ADIPOR1: variants seen among roughly 807,000 people sequenced by gnomAD.
ADIPOR1 encodes adiponectin receptor protein 1.
ADIPOR1 carries 15 observed loss-of-function variants against 37.5 expected under a neutral mutation model. That is an observed-to-expected ratio of 0.40 (90% CI 0.27 to 0.62). The LOEUF is 0.62. Among genes scored for constraint, ADIPOR1 ranks in the 20% least tolerant of loss-of-function variants. The pLI, the probability that ADIPOR1 is intolerant of heterozygous loss-of-function variation, is 0.42. For missense variants in ADIPOR1, 286 were observed against 478.0 expected (o/e 0.60, Z 3.75); for synonymous variants, 173 against 173.2 (o/e 1.00, Z 0.01).
In ADIPOR1 at chr1:202,946,554, C is replaced by T; in HGVS notation, c.315G>A (p.Lys105=). The T allele has an allele frequency of 6.2e-7, 1 of 1,614,020 alleles. No homozygotes were observed. Among genetic ancestry groups the T allele is most frequent in the Non-Finnish European group, 8.5e-7 (1 of 1,180,008 alleles). ...GACCATGTAGCAGATAGTCGTTGTC[C>T]TTTAGCCAGTCAGGGAGCACATCAT... ...IPYDVLPDWL[K]DNDYLLHGHR... Residue 105 remains lysine (K), a synonymous_variant, in exon 4 of 8, where the codon AAG becomes AAA. Coordinates refer to ENST00000340990, the MANE Select transcript of ADIPOR1 (RefSeq NM_015999.6).
intron 1 of ADIPOR1, among the ~76,000 whole-genome samples, chr1:202,953,020 T>C (rs1048182683): frequency 2.6e-5 from 4 of 152,132 alleles, no homozygotes; most frequent in African/African-American, 9.7e-5. Context: ...TTCCTTTAAA[T>C]GTGCAAGACT....
chr1:202,942,221 G>A lies in ADIPOR1; in HGVS notation c.806-3C>T, dbSNP rs764337482. ...CAAGCCAAGTCCCAGGAACACGCCT[G>A]AACAGAACAGACATAAGACTGTCAA... On this transcript the variant is annotated splice_region_variant and splice_polypyrimidine_tract_variant and intron_variant, in intron 6 of 7. Coordinates refer to ENST00000340990, the MANE Select transcript of ADIPOR1 (RefSeq NM_015999.6). The A allele has an allele frequency of 1.9e-6, 3 of 1,612,526 alleles. No individual in the cohort carries two copies. Among genetic ancestry groups the A allele is most frequent in the Non-Finnish European group, 2.5e-6 (3 of 1,179,116 alleles).
At chr1:202,948,477 C>T in intron 2 of ADIPOR1, 57 bp from the exon 3 acceptor site, 11 of 1,516,084 alleles carry the variant, frequency 7.3e-6, no homozygotes, top group Non-Finnish European at 1.0e-5. Context: ...TTGTACTATT[C>T]CAGAGCAGAG....
intron 1 of ADIPOR1, among the ~76,000 whole-genome samples, chr1:202,951,394 T>C (rs1380345915): frequency 6.6e-6 from 1 of 152,138 alleles, no homozygotes. Flanking sequence ...CCTAGTTGCT[T>C]GCTTTCATAT....
At chr1:202,949,026 C>T (rs1047853301) in intron 2 of ADIPOR1, among the ~76,000 whole-genome samples, 1 of 151,134 alleles carries the variant, frequency 6.6e-6, no homozygotes, top group Non-Finnish European at 1.5e-5. Context: ...CCTGACCTCA[C>T]GTGATCCTCC....
intron 1 of ADIPOR1, among the ~76,000 whole-genome samples, chr1:202,952,287 T>C (rs1485787954): frequency 6.6e-6 from 1 of 152,162 alleles, no homozygotes; most frequent in Non-Finnish European, 1.5e-5. Context: ...ATAACCACAT[T>C]GCAATGCAGG....
rs564613509 is a variant in ADIPOR1 at position 202,943,111 on chromosome 1, G to A, written c.805+647C>T. ...TCAAACTCCTGACTTCAAGTGATCC[G>A]CCTGCCTCGGCCCCCCAAAGTGCTG... On this transcript the variant is annotated intron_variant, in intron 6 of 7. Coordinates refer to ENST00000340990, the MANE Select transcript of ADIPOR1 (RefSeq NM_015999.6). 2.4e-4 allele frequency among the ~76,000 whole-genome samples: 34 copies of A among 142,314 alleles called. No individual in the cohort carries two copies. The East Asian group carries it at 4.1e-3, about 17-fold the overall frequency. The allele number at this position is 142,314 out of a possible 152,430, so 93.4% of individuals were successfully genotyped here. A position where few individuals can be genotyped will look rare whatever the true frequency, so the allele number is the denominator to read the frequency against.
chr1:202,956,540 C>T (rs182385423), intron 1 of ADIPOR1, among the ~76,000 whole-genome samples: 308 of 152,230 alleles, frequency 2.0e-3, no homozygotes, highest in African/African-American at 7.1e-3. Context: ...CCTAATATCA[C>T]TACAAGGCTT....
At chr1:202,949,599 ACACC>A (rs1395505814) in intron 2 of ADIPOR1, among the ~76,000 whole-genome samples, 7 of 144,570 alleles carry the variant, frequency 4.8e-5, no homozygotes, top group African/African-American at 2.6e-5. Flanking sequence ...AAAAAAAAAC[ACACC>A]CAGGAGAGCA....
intron 3 of ADIPOR1, among the ~76,000 whole-genome samples, chr1:202,947,609 C>A (rs7544565): frequency 6.6e-6 from 1 of 151,914 alleles, no homozygotes; most frequent in East Asian, 1.9e-4. Flanking sequence ...AAATTATAAA[C>A]GTTGTTTTAA....
chr1:202,944,854 G>A (rs1654241825), intron 5 of ADIPOR1, 129 bp downstream of exon 5: 11 of 895,466 alleles, frequency 1.2e-5, no homozygotes, highest in Non-Finnish European at 1.7e-5. Flanking sequence ...CCACAGAACA[G>A]AGAGCCTTTC....
At position 202,958,279 on chromosome 1, in the gene ADIPOR1, G is replaced by A. The variant is rs1412102157; in HGVS notation, c.-189C>T. 1.3e-5 allele frequency: 2 copies of A among 152,160 alleles called. No individual in the cohort carries two copies. The highest frequency in any genetic ancestry group is 1.3e-4 in the Admixed American group (2 of 15,278). 9.4% of individuals were successfully genotyped at this position (152,160 alleles called of 1,614,324 possible). ...TGCGGCCGAGCGGCCCCGATCTTCA[G>A]CGCCCTCCCCGCGCCGGAAGGGGCG... On this transcript the variant is annotated 5_prime_UTR_variant, in exon 1 of 8. Transcript: ENST00000340990.
At chr1:202,952,255 C>A (rs1456983342) in intron 1 of ADIPOR1, among the ~76,000 whole-genome samples, 1 of 152,152 alleles carries the variant, frequency 6.6e-6, no homozygotes, top group East Asian at 1.9e-4. Flanking sequence ...GCATTGGTTA[C>A]CCAAGCCCCA....
chr1:202,948,793 T>C (rs1654436376), intron 2 of ADIPOR1, among the ~76,000 whole-genome samples: 1 of 58,298 alleles, frequency 1.7e-5, no homozygotes, highest in African/African-American at 6.3e-5. Context: ...ATTTTCTTTC[T>C]TTCTTTTTTT....
intron 1 of ADIPOR1, among the ~76,000 whole-genome samples, chr1:202,952,016 A>AT (rs1201854063): frequency 9.9e-5 from 15 of 151,970 alleles, no homozygotes; most frequent in African/African-American, 3.6e-4. Flanking sequence ...CCAGAATTCC[A>AT]TTTTCTAGGA....
intron 1 of ADIPOR1, among the ~76,000 whole-genome samples, chr1:202,957,960 G>A (rs1416991279): frequency 6.6e-6 from 1 of 152,184 alleles, no homozygotes; most frequent in African/African-American, 2.4e-5. Flanking sequence ...ACCGCACCTA[G>A]GCCGCCTCGG....
At chr1:202,948,642 G>A (rs1263232572) in intron 2 of ADIPOR1, among the ~76,000 whole-genome samples, 2 of 152,252 alleles carry the variant, frequency 1.3e-5, no homozygotes, top group African/African-American at 4.8e-5. Flanking sequence ...ATTCTATGCA[G>A]TGCGTAAAAG....
intron 7 of ADIPOR1, 56 bp downstream of exon 7, chr1:202,941,969 T>C (rs1298530704): frequency 6.5e-7 from 1 of 1,532,818 alleles, no homozygotes; most frequent in African/African-American, 1.4e-5. Flanking sequence ...CTCAGCCCTT[T>C]AACTTTGGGC....
chr1:202,956,719 C>T (rs1032934773), intron 1 of ADIPOR1, among the ~76,000 whole-genome samples: 1 of 152,118 alleles, frequency 6.6e-6, no homozygotes, highest in African/African-American at 2.4e-5. Context: ...ACACAGTCCC[C>T]AGGGCAGTAA....
Sources: allele counts gnomAD v4.1 joint callset (sites outside exome capture counted in the v4.1 genomes callset), GRCh38; gene constraint gnomAD v4.1.1; transcripts MANE v1.5; gene names NCBI Gene and HGNC (gene_info 2026-07-23, HGNC 2026-07-21).